USP39: variants seen among roughly 807,000 people sequenced by gnomAD.
USP39 encodes ubiquitin specific peptidase 39, also known as ubiquitin carboxyl-terminal hydrolase 39.
Under a neutral mutation model 66.4 loss-of-function variants are expected in USP39, and 38 were observed. The observed-to-expected ratio is 0.57, with a 90% CI of 0.44 to 0.75. The LOEUF (loss-of-function observed/expected upper bound fraction) is 0.75. USP39 is among the 30% of genes least tolerant of loss of function. USP39 has a pLI of 0.00. For missense variants in USP39, 608 were observed against 714.4 expected (o/e 0.85, Z 1.70); for synonymous variants, 303 against 274.6 (o/e 1.10, Z -1.02).
At chr2:85,614,716 A>G (rs1573384891), upstream of USP39, among the ~76,000 whole-genome samples, 2 of 152,192 alleles carry the variant, frequency 1.3e-5, no homozygotes, top group Middle Eastern at 3.2e-3. Flanking sequence ...AAGAAGAAAT[A>G]TTATCTTTAA....
At chr2:85,648,480 A>T (rs889155544) in intron 12 of USP39, among the ~76,000 whole-genome samples, 4 of 152,190 alleles carry the variant, frequency 2.6e-5, no homozygotes, top group African/African-American at 7.2e-5. Context: ...AGCACAGAGC[A>T]TCTCTGTCTT....
chr2:85,630,619 C>A, intron 5 of USP39, 102 bp from the exon 6 acceptor site: 1 of 1,149,626 alleles, frequency 8.7e-7, no homozygotes, highest in Non-Finnish European at 1.3e-6. Context: ...AAGGCCATCA[C>A]AGGCACATCA....
chr2:85,623,150 A>G lies in USP39; in HGVS notation c.434-496A>G, dbSNP rs138582782. Among the ~76,000 whole-genome samples, 69 of 152,318 alleles carry G rather than the reference A, an allele frequency of 4.5e-4. 4 individuals are homozygous for G. The East Asian group carries it at 0.013, about 29-fold the overall frequency. ...AGGGAGAGAGATTCTAGAAAGGAGT[A>G]GCAACATGAAAAAAGTTACATAGAT... On this transcript the variant is annotated intron_variant, in intron 3 of 12. Coordinates refer to ENST00000323701, the MANE Select transcript of USP39 (RefSeq NM_006590.4).
At chr2:85,612,102 T>TG, upstream of USP39, 2 of 977,732 alleles carry the variant, frequency 2.0e-6, no homozygotes. Flanking sequence ...ACTTCCGGTC[T>TG]GGGAGGCCCC....
upstream of USP39, chr2:85,611,669 T>A (rs977607557): frequency 2.6e-6 from 4 of 1,560,176 alleles, no homozygotes; most frequent in Non-Finnish European, 2.6e-6. Flanking sequence ...CGGCCTCACC[T>A]CGGTGTCGCG....
intron 9 of USP39, 48 bp downstream of exon 9, chr2:85,639,439 C>T (rs1228191957): frequency 1.4e-6 from 2 of 1,445,248 alleles, no homozygotes; most frequent in Admixed American, 2.2e-5. Flanking sequence ...CTCGCTCTCT[C>T]GACTTTTTCA....
At chr2:85,605,464 A>G (rs561821525) in intron 1 of USP39, among the ~76,000 whole-genome samples, 23 of 152,312 alleles carry the variant, frequency 1.5e-4, no homozygotes, top group African/African-American at 5.1e-4. Context: ...CTTTACTCAG[A>G]AGGTCTTCAA....
At chr2:85,623,564 A>G in intron 3 of USP39, 82 bp from the exon 4 acceptor site, 1 of 1,474,660 alleles carries the variant, frequency 6.8e-7, no homozygotes, top group Non-Finnish European at 9.0e-7. Flanking sequence ...GTTCCGGTAG[A>G]AAATAATGAA....
At chr2:85,613,676 G>C (rs72843877), upstream of USP39, among the ~76,000 whole-genome samples, 2 of 151,384 alleles carry the variant, frequency 1.3e-5, no homozygotes, top group African/African-American at 2.4e-5. Context: ...ACTCTAGGAA[G>C]TGCAAACTAA....
intron 5 of USP39, among the ~76,000 whole-genome samples, chr2:85,629,685 C>G (rs1054349492): frequency 6.7e-6 from 1 of 149,072 alleles, no homozygotes; most frequent in Admixed American, 6.7e-5. Flanking sequence ...TTAGTAGAGA[C>G]GGGGTTTCAC....
upstream of USP39, chr2:85,611,684 G>C: frequency 6.4e-7 from 1 of 1,571,102 alleles, no homozygotes; most frequent in Non-Finnish European, 8.6e-7. Context: ...GTCGCGGCAG[G>C]TACACCTGCA....
chr2:85,635,405 C>T (rs1675687497), intron 6 of USP39, among the ~76,000 whole-genome samples: 1 of 152,060 alleles, frequency 6.6e-6, no homozygotes, highest in Admixed American at 6.6e-5. Flanking sequence ...ACTAAAAATA[C>T]AAAAATTAGC....
chr2:85,639,442 C>G (rs1676060781), intron 9 of USP39, 51 bp downstream of exon 9: 1 of 1,245,876 alleles, frequency 8.0e-7, no homozygotes, highest in Non-Finnish European at 1.1e-6. Flanking sequence ...GCTCTCTCGA[C>G]TTTTTCATTT....
At chr2:85,645,896 A>G (rs1397253256) in intron 11 of USP39, 1 of 152,246 alleles carries the variant, frequency 6.6e-6, no homozygotes, top group Non-Finnish European at 1.5e-5. Context: ...TGCTGGGATT[A>G]CAGGTATGAG....
At chr2:85,645,472 C>T (rs7349434) in intron 11 of USP39, among the ~76,000 whole-genome samples, 5 of 152,010 alleles carry the variant, frequency 3.3e-5, no homozygotes, top group African/African-American at 7.2e-5. Context: ...TTAGTAGAGA[C>T]GGGGTTTTAC....
At chr2:85,614,326 C>G (rs923696931), upstream of USP39, among the ~76,000 whole-genome samples, 5 of 152,086 alleles carry the variant, frequency 3.3e-5, no homozygotes, top group Non-Finnish European at 5.9e-5. Flanking sequence ...CCAGCCTGGC[C>G]AACATGGTGA....
intron 11 of USP39, 127 bp from the exon 12 acceptor site, chr2:85,647,803 A>G (rs1298967326): frequency 5.4e-6 from 4 of 735,692 alleles, no homozygotes; most frequent in Non-Finnish European, 8.9e-6. Context: ...CCTCTTCTTT[A>G]TGACTGTTGC....
intron 6 of USP39, among the ~76,000 whole-genome samples, chr2:85,633,824 G>C (rs1209752917): frequency 7.0e-6 from 1 of 141,964 alleles, no homozygotes; most frequent in African/African-American, 2.6e-5. Context: ...GGGACGTCGA[G>C]TAGTGGCTTT....
intron 3 of USP39, among the ~76,000 whole-genome samples, chr2:85,622,411 C>T (rs1231488244): frequency 2.0e-5 from 3 of 151,982 alleles, no homozygotes; most frequent in African/African-American, 7.3e-5. Context: ...GCATGAGCCA[C>T]CGTGCACGGC....
Sources: gnomAD v4.1 joint callset for allele counts (sites outside exome capture counted in the v4.1 genomes callset) on GRCh38, gnomAD v4.1.1 for gene constraint, MANE v1.5 for transcripts, NCBI Gene and HGNC (gene_info 2026-07-23, HGNC 2026-07-21) for gene names.